KGD4: variants seen among roughly 807,000 people sequenced by gnomAD.
KGD4 encodes alpha-ketoglutarate dehydrogenase subunit 4, also known as alpha-ketoglutarate dehydrogenase component 4.
chr5:69,228,317 AAAT>A, the KGD4 span: 2 of 1,604,896 alleles, frequency 1.2e-6, no homozygotes, highest in Non-Finnish European at 1.7e-6. Context: ...GACACTGCAG[AAAT>A]AATAAAAACA....
At chr5:69,220,918 C>A in the KGD4 span, among the ~76,000 whole-genome samples, 296 of 152,192 alleles carry the variant, frequency 1.9e-3, 3 homozygotes, top group African/African-American at 7.0e-3. Flanking sequence ...CGTGCTGTGT[C>A]CACTCAGGGT....
At chr5:69,227,708 A>G in the KGD4 span, among the ~76,000 whole-genome samples, 1 of 152,238 alleles carries the variant, frequency 6.6e-6, no homozygotes, top group African/African-American at 2.4e-5. Context: ...GTGTTGGCCT[A>G]TGAGGGGTTA....
At chr5:69,218,830 C>G in the KGD4 span, among the ~76,000 whole-genome samples, 1 of 152,136 alleles carries the variant, frequency 6.6e-6, no homozygotes, top group Non-Finnish European at 1.5e-5. Context: ...AATCCTAGAT[C>G]CCAGTCTTTG....
At chr5:69,226,250 T>C in the KGD4 span, 1 of 924,430 alleles carries the variant, frequency 1.1e-6, no homozygotes, top group Non-Finnish European at 1.7e-6. Context: ...AAATAGTAAT[T>C]TTAACAAACG....
chr5:69,222,937 G>A, the KGD4 span, among the ~76,000 whole-genome samples: 37 of 151,460 alleles, frequency 2.4e-4, no homozygotes, highest in South Asian at 1.9e-3. Flanking sequence ...CACCACGCCC[G>A]GCTAATTTTT....
At chr5:69,221,682 A>G in the KGD4 span, among the ~76,000 whole-genome samples, 1 of 152,178 alleles carries the variant, frequency 6.6e-6, no homozygotes, top group South Asian at 2.1e-4. Context: ...CATAGGAGAA[A>G]ATAAAAATAA....
chr5:69,228,487 T>A, the KGD4 span: 1 of 1,221,430 alleles, frequency 8.2e-7, no homozygotes, highest in Non-Finnish European at 1.1e-6. Context: ...TATTGTCTTG[T>A]CAGAGTGTGG....
the KGD4 span, among the ~76,000 whole-genome samples, chr5:69,226,785 T>G: frequency 6.6e-6 from 1 of 151,874 alleles, no homozygotes; most frequent in East Asian, 1.9e-4. Context: ...GAGGCGGAGG[T>G]TGCAGTGAGC....
At chr5:69,229,327 A>G in the KGD4 span, 1 of 912,544 alleles carries the variant, frequency 1.1e-6, no homozygotes. Context: ...CCTTTAATAA[A>G]TATTATGAAA....
the KGD4 span, among the ~76,000 whole-genome samples, chr5:69,224,032 A>T: frequency 2.5e-5 from 2 of 78,720 alleles, no homozygotes; most frequent in Non-Finnish European, 4.9e-5. Flanking sequence ...GACTCTGTCT[A>T]AAAAAAAAAA....
the KGD4 span, among the ~76,000 whole-genome samples, chr5:69,218,470 A>ATGTGTGTGTGTGTG: frequency 0.022 from 3,300 of 148,582 alleles, 59 homozygotes; most frequent in African/African-American, 0.052. Context: ...GTGTATATTA[A>ATGTGTGTGTGTGTG]TGTGTGTGTG....
chr5:69,228,390 A>G, the KGD4 span: 1 of 1,593,824 alleles, frequency 6.3e-7, no homozygotes, highest in Non-Finnish European at 8.5e-7. Flanking sequence ...TTATCCAAGT[A>G]TGTCGTTGCT....
chr5:69,222,121 C>T, the KGD4 span, among the ~76,000 whole-genome samples: 1 of 151,606 alleles, frequency 6.6e-6, no homozygotes, highest in Non-Finnish European at 1.5e-5. Flanking sequence ...TACCATGTAA[C>T]AGGAATGCTA....
At chr5:69,224,596 C>A in the KGD4 span, among the ~76,000 whole-genome samples, 3 of 151,866 alleles carry the variant, frequency 2.0e-5, no homozygotes, top group South Asian at 6.2e-4. Context: ...AAATAACACT[C>A]AAAACAAGTC....
the KGD4 span, among the ~76,000 whole-genome samples, chr5:69,226,911 G>A: frequency 3.3e-5 from 5 of 151,656 alleles, no homozygotes; most frequent in Non-Finnish European, 2.9e-5. Context: ...TTGCTCTGTC[G>A]CCCAGGCTGG....
At chr5:69,226,475 G>A in the KGD4 span, 2 of 1,004,272 alleles carry the variant, frequency 2.0e-6, no homozygotes. Context: ...TTTATTATAG[G>A]CAATATTTCT....
At chr5:69,224,920 A>G in the KGD4 span, among the ~76,000 whole-genome samples, 1 of 151,948 alleles carries the variant, frequency 6.6e-6, no homozygotes, top group African/African-American at 2.4e-5. Flanking sequence ...TAAAAGTGAA[A>G]AAAACTAGCC....
the KGD4 span, chr5:69,218,100 G>A: frequency 4.7e-6 from 3 of 635,246 alleles, no homozygotes; most frequent in Non-Finnish European, 8.2e-6. Flanking sequence ...CAACCGTGCA[G>A]CATCTTGGCA....
chr5:69,228,238 T>C, the KGD4 span: 1 of 1,602,536 alleles, frequency 6.2e-7, no homozygotes, highest in Non-Finnish European at 8.5e-7. Context: ...ACCATCTCAC[T>C]CTTCTGTAAT....
Sources: gnomAD v4.1 joint callset for allele counts (sites outside exome capture counted in the v4.1 genomes callset) on GRCh38, gnomAD v4.1.1 for gene constraint, MANE v1.5 for transcripts, NCBI Gene and HGNC (gene_info 2026-07-23, HGNC 2026-07-21) for gene names.